The following PEX6 variants were observed in gnomAD, a reference collection of about 807,000 sequenced individuals.
PEX6 encodes peroxisomal biogenesis factor 6, also known as peroxisome biogenesis factor 6.
PEX6 carries 55 observed loss-of-function variants against 85.6 expected under a neutral mutation model. The observed-to-expected ratio is 0.64, with a 90% confidence interval of 0.52 to 0.80. The LOEUF is 0.80. Among genes scored for constraint, PEX6 ranks in the 30% least tolerant of loss-of-function variants. The probability of loss-of-function intolerance (pLI) is 0.00; values close to 1 mark genes in which losing one functional copy is unlikely to be tolerated. For missense variants in PEX6, 1,099 were observed against 1,260.3 expected (o/e 0.87, Z 1.94); for synonymous variants, 519 against 549.1 (o/e 0.95, Z 0.77).
chr6:42,978,734 C>G lies in PEX6; in HGVS notation c.417G>C (p.Leu139=). Residue 139 remains leucine (L), a synonymous_variant, in exon 1 of 17, where the codon CTG becomes CTC. Coordinates refer to ENST00000304611, the MANE Select transcript of PEX6 (RefSeq NM_000287.4). ...ETLPVPGPRV[L]ETRPALQGLL... is the part of the protein sequence containing the mutation. ...GCCCTTGCAACGCCGGCCGCGTCTC[C>G]AGCACCCGCGGTCCGGGCACTGGGA... The G allele has an allele frequency of 6.5e-7, 1 of 1,538,142 alleles. No homozygotes were observed. Among genetic ancestry groups the G allele is most frequent in the Non-Finnish European group, 8.7e-7 (1 of 1,148,012 alleles).
rs1435360725 is a variant in PEX6 at position 42,964,822 on chromosome 6, G to A, written c.2774C>T (p.Ala925Val). 3 of 1,613,992 alleles carry A rather than the reference G, an allele frequency of 1.9e-6. No homozygotes were observed. The highest frequency in any genetic ancestry group is 2.7e-5 in the African/African-American group (2 of 74,884). Residue 925 changes from alanine (A) to valine (V), a missense_variant, in exon 16 of 17, where the codon GCC (alanine) becomes GTC (valine). Coordinates refer to ENST00000304611, the MANE Select transcript of PEX6 (RefSeq NM_000287.4). The surrounding 1 kb of genome is among the most constrained non-coding windows in gnomAD (Gnocchi z 4.6). The part of the protein sequence containing the change: ...YSLCSDAMTA[A>V]LKRRVHDLEE... ...CAGGTCATGAACCCTGCGTTTGAGG[G>A]CAGCTGTCATAGCATCAGAGCAGAG...
At chr6:42,974,457 T>TG (rs1770193681) in intron 2 of PEX6, among the ~76,000 whole-genome samples, 2 of 122,934 alleles carry the variant, frequency 1.6e-5, no homozygotes, top group Non-Finnish European at 3.3e-5. Context: ...TTTTGTTTTT[T>TG]TTTTTTTTTT....
At chr6:42,969,260 T>C (rs751081910) in intron 5 of PEX6, among the ~76,000 whole-genome samples, 77 of 152,218 alleles carry the variant, frequency 5.1e-4, no homozygotes, top group Non-Finnish European at 2.8e-4. Flanking sequence ...ACGTTATGAC[T>C]GGTCTGAATG....
chr6:42,974,847 ATCC>A, intron 2 of PEX6, 25 bp downstream of exon 2: 1 of 1,597,840 alleles, frequency 6.3e-7, no homozygotes, highest in Non-Finnish European at 8.6e-7. Flanking sequence ...GTGAGAAGCT[ATCC>A]TCCTTAAAAG....
intron 3 of PEX6, among the ~76,000 whole-genome samples, chr6:42,973,348 C>G (rs1043396913): frequency 6.6e-6 from 1 of 152,050 alleles, no homozygotes; most frequent in Non-Finnish European, 1.5e-5. Context: ...CATAGGGCCA[C>G]CAGTCAGTTT....
At chr6:42,978,115 G>A (rs945704584) in intron 1 of PEX6, among the ~76,000 whole-genome samples, 154 bp downstream of exon 1, 4 of 152,136 alleles carry the variant, frequency 2.6e-5, no homozygotes, top group African/African-American at 9.7e-5. Context: ...AAAGTGCTGG[G>A]ATTACAGGCG....
At position 42,966,558 on chromosome 6, in the gene PEX6, C is replaced by T. The variant is rs1769816755; in HGVS notation, c.2061G>A (p.Gln687=). The T allele has an allele frequency of 1.2e-6, 2 of 1,614,080 alleles. No individual in the cohort carries two copies. Among genetic ancestry groups the T allele is most frequent in the Admixed American group, 1.7e-5 (1 of 60,010 alleles). ...CTCCAACGGCCTGGGAGTGAGCTGT[C>T]TGCAGTTGCTCCAGTGCCTGCCCAA... ...EDFGQALEQL[Q]TAHSQAVGAP... is the part of the protein sequence containing the mutation. Residue 687 remains glutamine (Q), a synonymous_variant, in exon 10 of 17, where the codon CAG becomes CAA. Transcript: ENST00000304611.
chr6:42,978,760 G>A lies in PEX6; in HGVS notation c.391C>T (p.Leu131Phe). Residue 131 changes from leucine (L) to phenylalanine (F), a missense_variant, in exon 1 of 17, where the codon CTC becomes TTC. Physicochemically the swap from Leu to Phe is conservative, Grantham distance 22. Transcript: ENST00000304611. ...GPLLVRRGET[L>F]PVPGPRVLET... ...AGCACCCGCGGTCCGGGCACTGGGA[G>A]GGTCTCTCCGCGCCTCACCAGCAGC... 2 of 1,534,912 alleles carry A rather than the reference G, an allele frequency of 1.3e-6. No individual in the cohort carries two copies. The highest frequency in any genetic ancestry group is 8.7e-7 in the Non-Finnish European group (1 of 1,146,652).
rs912674442 is a variant in PEX6 at position 42,971,489 on chromosome 6, C to T, written c.1131-1502G>A. On this transcript the variant is annotated intron_variant, in intron 3 of 16. Transcript: ENST00000304611. The surrounding 1 kb of genome is among the most constrained non-coding windows in gnomAD (Gnocchi z 4.4). ...TGCTAAGGAACACTGAGCTGTGCTC[C>T]AGCCAGCCAGATAGGTGATAGTGGA... is the stretch of plus-strand genomic sequence containing the variant. 9.2e-5 allele frequency among the ~76,000 whole-genome samples: 14 copies of T among 152,204 alleles called. No individual in the cohort carries two copies. The highest frequency in any genetic ancestry group is 2.9e-4 in the African/African-American group (12 of 41,442).
Position 42,964,371 on chromosome 6 carries a change from C to G in PEX6, c.2907G>C (p.Arg969=), listed in dbSNP as rs145243129. 150 of 1,613,866 alleles carry G rather than the reference C, an allele frequency of 9.3e-5. 1 individual carries two copies. The East Asian group carries it at 1.9e-3, about 21-fold the overall frequency. The stretch of plus-strand genomic sequence containing the variant: ...CAAACTTGCGCTGGATGCGCTTGTA[C>G]CGGAGCAGCTCCTGCTCACTGACTG... The part of the protein sequence containing the change: ...QPSVSEQELL[R]YKRIQRKFAA... Residue 969 remains arginine, a synonymous_variant, in exon 17 of 17, where the codon CGG becomes CGC. Coordinates refer to ENST00000304611, the MANE Select transcript of PEX6 (RefSeq NM_000287.4). The surrounding 1 kb of genome is among the most constrained non-coding windows in gnomAD (Gnocchi z 4.6).
At position 42,974,860 on chromosome 6, in the gene PEX6, G is replaced by A. The variant is rs778415507; in HGVS notation, c.1046+15C>T. 2.5e-6 allele frequency: 4 copies of A among 1,610,546 alleles called. No individual in the cohort carries two copies. The highest frequency in any genetic ancestry group is 2.5e-6 in the Non-Finnish European group (3 of 1,176,834). On this transcript the variant is annotated intron_variant, in intron 2 of 16. Transcript: ENST00000304611. ...GGGTGAGAAGCTATCCTCCTTAAAAGGTTAGGTAGCTAACCTGGGTATCTG... is the reference window on the plus strand; with the variant it reads ...GGGTGAGAAGCTATCCTCCTTAAAAAGTTAGGTAGCTAACCTGGGTATCTG...
chr6:42,978,146 G>A (rs1364208253), intron 1 of PEX6, 123 bp downstream of exon 1: 3 of 1,254,680 alleles, frequency 2.4e-6, no homozygotes, highest in Admixed American at 3.5e-5. Context: ...CGCCCGGCTA[G>A]AAACATTATG....
Position 42,974,983 on chromosome 6 carries a change from G to C in PEX6, c.938C>G (p.Pro313Arg). Residue 313 changes from proline to arginine, a missense_variant, in exon 2 of 17, where the codon CCT becomes CGT. By Grantham distance (103) the Pro-to-Arg change is moderately radical. Transcript: ENST00000304611. ...PEDKGSCSLLPGPPFARELHI... is the reference protein window; with the variant it reads ...PEDKGSCSLLRGPPFARELHI... ...TAACTCTCTGGCAAATGGAGGCCCA[G>C]GCAGCAATGAGCAGCTTCCTTTGTC... 1.2e-6 allele frequency: 2 copies of C among 1,613,812 alleles called. No individual in the cohort carries two copies. The highest frequency in any genetic ancestry group is 8.5e-7 in the Non-Finnish European group (1 of 1,179,862).
chr6:42,971,046 A>T lies in PEX6; in HGVS notation c.1131-1059T>A, dbSNP rs1770042811. 1.3e-5 allele frequency among the ~76,000 whole-genome samples: 2 copies of T among 152,212 alleles called. No individual in the cohort carries two copies. Among genetic ancestry groups the T allele is most frequent in the Non-Finnish European group, 2.9e-5 (2 of 68,032 alleles). On this transcript the variant is annotated intron_variant, in intron 3 of 16. Coordinates refer to ENST00000304611, the MANE Select transcript of PEX6 (RefSeq NM_000287.4). The surrounding 1 kb of genome is among the most constrained non-coding windows in gnomAD (Gnocchi z 4.4). ...AGCAAGGCAATGACAGAGTCAGGCT[A>T]TAACCTAGTCCTCTTTAAGGTCCAA...
In PEX6 at chr6:42,979,176, T is replaced by C. The variant is rs1358676891; in HGVS notation, c.-26A>G. ...GGTGACAGGACACCAACGAGGAGGG[T>C]GAAGGAGCGCAGCTTCCGGAGCCAG... On this transcript the variant is annotated 5_prime_UTR_variant, in exon 1 of 17. Coordinates refer to ENST00000304611, the MANE Select transcript of PEX6 (RefSeq NM_000287.4). 5 of 1,565,946 alleles carry C rather than the reference T, an allele frequency of 3.2e-6. No homozygotes were observed. The East Asian group carries it at 7.0e-5, about 22-fold the overall frequency.
intron 2 of PEX6, 139 bp from the exon 3 acceptor site, chr6:42,974,225 A>AC: frequency 1.4e-6 from 1 of 704,510 alleles, no homozygotes; most frequent in Admixed American, 2.0e-5. Flanking sequence ...TCTCCAAGGA[A>AC]CAAGTCAGTC....
intron 1 of PEX6, among the ~76,000 whole-genome samples, chr6:42,977,768 C>CAAAAAAAAA (rs200706906): frequency 1.9e-5 from 1 of 51,696 alleles, no homozygotes; most frequent in Non-Finnish European, 3.4e-5. Flanking sequence ...GACCCCATCT[C>CAAAAAAAAA]AAAAAAAAAA....
In PEX6 at chr6:42,978,265, C is replaced by T. The variant is rs756846884; in HGVS notation, c.882+4G>A. On this transcript the variant is annotated splice_donor_region_variant and intron_variant, in intron 1 of 16. Coordinates refer to ENST00000304611, the MANE Select transcript of PEX6 (RefSeq NM_000287.4). The stretch of plus-strand genomic sequence containing the variant: ...GCACTCCTGACCCCAGTCCTTTATC[C>T]TACCTGAATTCTGAGCTCTCCCATT... 5 of 1,614,148 alleles carry T rather than the reference C, an allele frequency of 3.1e-6. No homozygotes were observed. The highest frequency in any genetic ancestry group is 1.7e-5 in the Admixed American group (1 of 60,012).
rs1769763318 is a variant in PEX6, at chr6:42,965,696, C to G, written c.2456G>C (p.Gly819Ala). 1 of 1,613,426 alleles carries G rather than the reference C, an allele frequency of 6.2e-7. No individual in the cohort carries two copies. The highest frequency in any genetic ancestry group is 1.1e-5 in the South Asian group (1 of 91,070). Residue 819 changes from glycine to alanine, a missense_variant, in exon 13 of 17, where the codon GGA (glycine) becomes GCA (alanine). Coordinates refer to ENST00000304611, the MANE Select transcript of PEX6 (RefSeq NM_000287.4). This position sits in a 1 kb window ranked among gnomAD's most constrained non-coding sequence, Gnocchi z 5.0. ...APSRGRSGDS[G>A]GVMDRVVSQL... ...AGACCCCTACCTGTCCATCACTCCT[C>G]CAGAATCTCCACTTCGCCCCCGGCT...
Sources: allele counts gnomAD v4.1 joint callset (sites outside exome capture counted in the v4.1 genomes callset), GRCh38; gene constraint gnomAD v4.1.1; non-coding constraint Gnocchi (gnomAD v3.1); transcripts MANE v1.5; gene names NCBI Gene and HGNC (gene_info 2026-07-23, HGNC 2026-07-21).